The following ANK1 variants were observed in gnomAD, a reference collection of about 807,000 sequenced individuals.
ANK1 encodes the protein ankyrin-1.
A neutral mutation model predicts 210.4 loss-of-function variants in ANK1; 51 were observed. The observed-to-expected ratio is 0.24, with a 90% CI of 0.19 to 0.31. The LOEUF (loss-of-function observed/expected upper bound fraction) is 0.31, where lower values mean the gene tolerates loss of function less well. Ranked by LOEUF, ANK1 falls within the 10% of genes least tolerant of loss-of-function variation. The probability of loss-of-function intolerance (pLI) is 1.00; values close to 1 mark genes in which losing one functional copy is unlikely to be tolerated. For missense variants in ANK1, 2,051 were observed against 2,504.4 expected (o/e 0.82, Z 3.86); for synonymous variants, 967 against 1,025.9 (o/e 0.94, Z 1.10).
intron 1 of ANK1, among the ~76,000 whole-genome samples, chr8:41,807,730 G>A (rs888261412): frequency 2.6e-5 from 4 of 152,208 alleles, no homozygotes; most frequent in South Asian, 2.1e-4. Context: ...TTCCTCTCTC[G>A]TTTTTAAATC....
At chr8:41,811,796 C>T (rs1057470020) in intron 1 of ANK1, among the ~76,000 whole-genome samples, 3 of 152,246 alleles carry the variant, frequency 2.0e-5, no homozygotes, top group Non-Finnish European at 2.9e-5. Flanking sequence ...GGTATGTGCT[C>T]AGTACATGTA....
chr8:41,655,673 C>T lies in ANK1; in HGVS notation c.*117G>A, dbSNP rs575900279. ...GCCCAGAGGAATGTGTGCACCGCTG[C>T]GGTGGCCCTCAGGTCCAGCTCTCCT... On this transcript the variant is annotated 3_prime_UTR_variant, in exon 43 of 43. Coordinates refer to ENST00000289734, the MANE Select transcript of ANK1 (RefSeq NM_000037.4). The T allele has an allele frequency of 8.8e-5, 141 of 1,594,942 alleles. 2 individuals carry two copies. The South Asian group carries it at 1.1e-3, about 13-fold the overall frequency.
chr8:41,792,398 C>T (rs1331800819), intron 1 of ANK1, among the ~76,000 whole-genome samples: 1 of 152,192 alleles, frequency 6.6e-6, no homozygotes, highest in Admixed American at 6.5e-5. Context: ...CCAGACCTTC[C>T]CGACATCAAT....
intron 1 of ANK1, among the ~76,000 whole-genome samples, chr8:41,787,141 G>A (rs1409989707): frequency 6.6e-6 from 1 of 152,224 alleles, no homozygotes; most frequent in Non-Finnish European, 1.5e-5. Flanking sequence ...TGGACTGGAG[G>A]GCAGGCCCTG....
chr8:41,853,386 G>A (rs192366242), intron 1 of ANK1, among the ~76,000 whole-genome samples: 10 of 152,144 alleles, frequency 6.6e-5, no homozygotes, highest in African/African-American at 1.9e-4. Context: ...AAGAAGGAGG[G>A]AAAAATAGCA....
At chr8:41,810,952 C>A in intron 1 of ANK1, among the ~76,000 whole-genome samples, 1 of 152,218 alleles carries the variant, frequency 6.6e-6, no homozygotes, top group East Asian at 1.9e-4. Flanking sequence ...GGGTGCGGGT[C>A]TCAGGACCAG....
At chr8:41,786,210 G>A (rs1586936504) in intron 1 of ANK1, among the ~76,000 whole-genome samples, 2 of 152,186 alleles carry the variant, frequency 1.3e-5, no homozygotes, top group Non-Finnish European at 2.9e-5. Context: ...GGAGGAGCTC[G>A]CGTCTTGCCA....
intron 1 of ANK1, among the ~76,000 whole-genome samples, chr8:41,831,202 C>T (rs1410155051): frequency 1.3e-5 from 2 of 152,152 alleles, no homozygotes; most frequent in African/African-American, 2.4e-5. Flanking sequence ...TCTGTAAAAC[C>T]GAAAGCCCCT....
In ANK1 at chr8:41,715,664, G is replaced by A. The variant is rs61758865; in HGVS notation, c.1590C>T (p.Ala530=). The A allele has an allele frequency of 0.011, 17,239 of 1,613,460 alleles. 151 individuals carry two copies. Among genetic ancestry groups the A allele is most frequent in the Non-Finnish European group, 0.014 (16,253 of 1,179,970 alleles). ...LALLEKEASQ[A]CMTKKGFTPL... ...CGGGAGGCTGTACCTTGGTCATGCAGGCCTGGGATGCTTCCTTTTCCAGAA... is the reference window on the plus strand; with the variant it reads ...CGGGAGGCTGTACCTTGGTCATGCAAGCCTGGGATGCTTCCTTTTCCAGAA... The change falls in exon 14 of 43, where the codon GCC becomes GCT. Residue 530 remains alanine, a synonymous_variant. Coordinates refer to ENST00000289734, the MANE Select transcript of ANK1 (RefSeq NM_000037.4).
At chr8:41,803,080 G>GA (rs1220108739) in intron 1 of ANK1, among the ~76,000 whole-genome samples, 3 of 46,216 alleles carry the variant, frequency 6.5e-5, no homozygotes, top group African/African-American at 2.5e-4. Flanking sequence ...AGGAAGGAAG[G>GA]AAGGGAAGGA....
chr8:41,870,942 C>CG (rs1449826905), intron 1 of ANK1, among the ~76,000 whole-genome samples: 2 of 152,142 alleles, frequency 1.3e-5, no homozygotes, highest in African/African-American at 4.8e-5. Flanking sequence ...CGAATGGGCA[C>CG]GGGGACTGTC....
chr8:41,716,478 C>T (rs1421193251), intron 13 of ANK1, among the ~76,000 whole-genome samples: 3 of 152,118 alleles, frequency 2.0e-5, no homozygotes, highest in Non-Finnish European at 4.4e-5. Flanking sequence ...AAGGAGAACC[C>T]ATCGTGGCCT....
chr8:41,701,970 C>G, intron 21 of ANK1, 82 bp downstream of exon 21: 4 of 1,448,082 alleles, frequency 2.8e-6, no homozygotes, highest in Non-Finnish European at 2.9e-6. Context: ...CAGAACGCAC[C>G]CCACTTCCAG....
At chr8:41,661,620 C>A (rs1361871850) in intron 41 of ANK1, 56 bp from the exon 42 acceptor site, 2 of 1,611,044 alleles carry the variant, frequency 1.2e-6, no homozygotes, top group African/African-American at 1.3e-5. Context: ...GGGCAGAACA[C>A]AGGCAGAAGA....
intron 1 of ANK1, among the ~76,000 whole-genome samples, chr8:41,882,239 C>G (rs1338800958): frequency 6.6e-6 from 1 of 152,114 alleles, no homozygotes; most frequent in Non-Finnish European, 1.5e-5. Flanking sequence ...AGCCACTGAG[C>G]TCCATGTAAC....
At chr8:41,893,708 G>A (rs1184368500) in intron 1 of ANK1, among the ~76,000 whole-genome samples, 1 of 152,160 alleles carries the variant, frequency 6.6e-6, no homozygotes, top group Non-Finnish European at 1.5e-5. Flanking sequence ...CCACACAAGA[G>A]GCCAATGTCC....
In ANK1 at chr8:41,725,965, T is replaced by C. The variant is rs764752947; in HGVS notation, c.427-19A>G. The C allele has an allele frequency of 1.2e-6, 2 of 1,611,022 alleles. No homozygotes were observed. Among genetic ancestry groups the C allele is most frequent in the South Asian group, 1.1e-5 (1 of 90,774 alleles). On this transcript the variant is annotated intron_variant, in intron 5 of 42. Transcript: ENST00000289734. ...AGCCGTCCTGGCCAGAGGAGGAAAA[T>C]GCTTTGCTCTGACTCGTCTGACGCC...
intron 42 of ANK1, among the ~76,000 whole-genome samples, chr8:41,656,848 G>T (rs946162556): frequency 1.3e-5 from 2 of 152,164 alleles, no homozygotes; most frequent in Admixed American, 1.3e-4. Context: ...GGAGGGTGGT[G>T]CCAGGTTCCT....
At chr8:41,867,917 C>A (rs112277753) in intron 1 of ANK1, among the ~76,000 whole-genome samples, 11,237 of 152,268 alleles carry the variant, frequency 0.074, 647 homozygotes, top group East Asian at 0.25. Flanking sequence ...TGGAGTACAG[C>A]GGTGCAATCT....
Sources: allele counts gnomAD v4.1 joint callset (sites outside exome capture counted in the v4.1 genomes callset), GRCh38; gene constraint gnomAD v4.1.1; transcripts MANE v1.5; gene names NCBI Gene and HGNC (gene_info 2026-07-23, HGNC 2026-07-21).